Variants in ACTN4 observed in about 807,000 individuals in gnomAD.
ACTN4 encodes actinin alpha 4, also known as alpha-actinin-4.
A neutral mutation model predicts 114.2 loss-of-function variants in ACTN4; 18 were observed. The ratio of observed to expected loss-of-function variants is 0.16; its 90% CI spans 0.11 to 0.23. ACTN4 has a LOEUF of 0.23. ACTN4 is among the 10% of genes least tolerant of loss of function. The pLI is 1.00. For missense variants in ACTN4, 722 were observed against 1,262.9 expected, an observed-to-expected ratio of 0.57 and a Z score of 6.49; for synonymous variants, 515 against 506.3, an observed-to-expected ratio of 1.02 and a Z score of -0.23.
chr19:38,714,662 C>T, intron 9 of ACTN4, 101 bp downstream of exon 9: 1 of 1,213,534 alleles, frequency 8.2e-7, no homozygotes. Flanking sequence ...GCGAGATGAC[C>T]TAGAAAAGGC....
At chr19:38,648,765 AG>A (rs1449219410) in intron 1 of ACTN4, among the ~76,000 whole-genome samples, 2 of 151,854 alleles carry the variant, frequency 1.3e-5, no homozygotes, top group Non-Finnish European at 2.9e-5. Flanking sequence ...GCCGAAGTAG[AG>A]GGGATACGGA....
intron 1 of ACTN4, among the ~76,000 whole-genome samples, chr19:38,674,566 T>C (rs1394947978): frequency 6.6e-6 from 1 of 152,162 alleles, no homozygotes; most frequent in African/African-American, 2.4e-5. Flanking sequence ...TTCCGTCTCT[T>C]TCTTCAGCTT....
Position 38,721,885 on chromosome 19 carries a change from G to A in ACTN4, c.1442+197G>A, listed in dbSNP as rs1297736253. 3.9e-6 allele frequency: 3 copies of A among 766,192 alleles called. No individual in the cohort carries two copies. The African/African-American group carries it at 5.2e-5, about 13-fold the overall frequency. 47.5% of individuals were successfully genotyped at this position (766,192 alleles called of 1,614,324 possible). A position where few individuals can be genotyped will look rare whatever the true frequency, so the allele number is the denominator to read the frequency against. ...TTTGCCCATCCTGTCTCAGCCCCAGGTGGGACACCTGAAGGATTTGGATTC... is the reference window on the plus strand; with the variant it reads ...TTTGCCCATCCTGTCTCAGCCCCAGATGGGACACCTGAAGGATTTGGATTC... On this transcript the variant is annotated intron_variant, in intron 12 of 20. Transcript: ENST00000252699.
intron 1 of ACTN4, among the ~76,000 whole-genome samples, chr19:38,662,519 T>G (rs77592066): frequency 1.3e-5 from 2 of 152,248 alleles, no homozygotes; most frequent in Non-Finnish European, 2.9e-5. Context: ...AGCATAGCCA[T>G]GTGAACTTGT....
At chr19:38,728,860 C>G in intron 19 of ACTN4, 136 bp from the exon 20 acceptor site, 1 of 1,122,050 alleles carries the variant, frequency 8.9e-7, no homozygotes, top group Non-Finnish European at 1.3e-6. Context: ...CTGGAGCAGG[C>G]GGGGAACAGG....
In ACTN4 at chr19:38,666,015, T is replaced by C. The variant is rs546536844; in HGVS notation, c.162+18108T>C. Among the ~76,000 whole-genome samples, 63 of 152,214 alleles carry C rather than the reference T, an allele frequency of 4.1e-4. No homozygotes were observed. The South Asian group carries it at 0.013, about 31-fold the overall frequency. On this transcript the variant is annotated intron_variant, in intron 1 of 20. Transcript: ENST00000252699. The stretch of plus-strand genomic sequence containing the variant: ...ATAACTGCCCAGAAATGCTGTCAGA[T>C]GGGGCCAAGAGGTGCACAGGAGCCT...
chr19:38,666,365 T>TG (rs926520283), intron 1 of ACTN4, among the ~76,000 whole-genome samples: 2 of 152,156 alleles, frequency 1.3e-5, no homozygotes, highest in African/African-American at 4.8e-5. Flanking sequence ...CGATGGGGGC[T>TG]GGGGGTGGGG....
chr19:38,663,550 T>C (rs923962229), intron 1 of ACTN4, among the ~76,000 whole-genome samples: 2 of 152,032 alleles, frequency 1.3e-5, no homozygotes, highest in Non-Finnish European at 2.9e-5. Flanking sequence ...TCATGGAAAC[T>C]TTCATAAAGG....
chr19:38,671,259 A>T (rs541011399), intron 1 of ACTN4, among the ~76,000 whole-genome samples: 2 of 152,284 alleles, frequency 1.3e-5, no homozygotes, highest in South Asian at 4.1e-4. Context: ...TCCTCCCACC[A>T]TATTGCATAT....
In ACTN4 at chr19:38,717,857, C is replaced by A; in HGVS notation, c.1144-70C>A. ...AGTTCTGCCACCTTCCCATCAGCAT[C>A]CCTTGGAGACATCCCCCTGGGTGCC... On this transcript the variant is annotated intron_variant, in intron 10 of 20. Coordinates refer to ENST00000252699, the MANE Select transcript of ACTN4 (RefSeq NM_004924.6). This position sits in a 1 kb window ranked among gnomAD's most constrained non-coding sequence, Gnocchi z 4.0. 6.5e-7 allele frequency: 1 copy of A among 1,545,728 alleles called. No individual in the cohort carries two copies. Among genetic ancestry groups the A allele is most frequent in the Middle Eastern group, 2.2e-4 (1 of 4,642 alleles).
At chr19:38,652,440 C>T (rs562062952) in intron 1 of ACTN4, among the ~76,000 whole-genome samples, 1 of 152,256 alleles carries the variant, frequency 6.6e-6, no homozygotes, top group African/African-American at 2.4e-5. Context: ...ACTCACCTGG[C>T]TAAGAGTTGA....
intron 8 of ACTN4, among the ~76,000 whole-genome samples, chr19:38,712,440 G>A (rs977653809): frequency 4.6e-5 from 7 of 152,298 alleles, no homozygotes; most frequent in African/African-American, 1.7e-4. Flanking sequence ...TGTTCTGGGC[G>A]TGAAACGAGC....
At chr19:38,698,597 C>T (rs760705645) in intron 1 of ACTN4, among the ~76,000 whole-genome samples, 1 of 152,206 alleles carries the variant, frequency 6.6e-6, no homozygotes, top group Non-Finnish European at 1.5e-5. Context: ...GTGCGGGTAC[C>T]CTCCAGGCAC....
rs760694984 is a variant in ACTN4 at position 38,724,407 on chromosome 19, C to T, written c.1876-24C>T. 14 of 1,612,314 alleles carry T rather than the reference C, an allele frequency of 8.7e-6. No individual in the cohort carries two copies. Among genetic ancestry groups the T allele is most frequent in the East Asian group, 2.2e-5 (1 of 44,860 alleles). ...GCTGGGGGCCACCTCCCTGACCGCTCCCACACCGCGTCTCCTCTGCCAGGT... is the reference window on the plus strand; with the variant it reads ...GCTGGGGGCCACCTCCCTGACCGCTTCCACACCGCGTCTCCTCTGCCAGGT... On this transcript the variant is annotated intron_variant, in intron 15 of 20. Transcript: ENST00000252699. The surrounding 1 kb of genome is among the most constrained non-coding windows in gnomAD (Gnocchi z 7.0).
chr19:38,724,736 G>A lies in ACTN4; in HGVS notation c.2010+171G>A, dbSNP rs936793194. Among the ~76,000 whole-genome samples the A allele has an allele frequency of 2.0e-5, 3 of 152,238 alleles. No individual in the cohort carries two copies. Among genetic ancestry groups the A allele is most frequent in the East Asian group, 3.9e-4 (2 of 5,190 alleles). On this transcript the variant is annotated intron_variant, in intron 16 of 20. Coordinates refer to ENST00000252699, the MANE Select transcript of ACTN4 (RefSeq NM_004924.6). The surrounding 1 kb of genome is among the most constrained non-coding windows in gnomAD (Gnocchi z 7.0). ...CTGCGGGGTTAGGAGAGTCCACAGA[G>A]CTTGCGCCTGGAATCCCGGCACCTG...
At chr19:38,679,197 A>G (rs1466388212) in intron 1 of ACTN4, among the ~76,000 whole-genome samples, 1 of 152,006 alleles carries the variant, frequency 6.6e-6, no homozygotes, top group Admixed American at 6.5e-5. Context: ...TGTGGATTCC[A>G]TTTTCTTATT....
At chr19:38,697,115 C>T (rs978235329) in intron 1 of ACTN4, among the ~76,000 whole-genome samples, 1 of 151,828 alleles carries the variant, frequency 6.6e-6, no homozygotes, top group African/African-American at 2.4e-5. Flanking sequence ...CAAGCCAGAG[C>T]TCTTGTTTAC....
At chr19:38,683,568 C>G (rs2144930784) in intron 1 of ACTN4, among the ~76,000 whole-genome samples, 1 of 152,370 alleles carries the variant, frequency 6.6e-6, no homozygotes, top group East Asian at 1.9e-4. Context: ...CTCTAAAAGA[C>G]ACACAATGGC....
At chr19:38,664,793 CTT>C (rs1217720986) in intron 1 of ACTN4, among the ~76,000 whole-genome samples, 1 of 152,126 alleles carries the variant, frequency 6.6e-6, no homozygotes, top group African/African-American at 2.4e-5. Context: ...CTGCCTTCCT[CTT>C]TTTTGAAAGG....
Sources: allele counts gnomAD v4.1 joint callset (sites outside exome capture counted in the v4.1 genomes callset), GRCh38; gene constraint gnomAD v4.1.1; non-coding constraint Gnocchi (gnomAD v3.1); transcripts MANE v1.5; gene names NCBI Gene and HGNC (gene_info 2026-07-23, HGNC 2026-07-21).